The following TXLNB variants were observed in gnomAD, a reference collection of about 807,000 sequenced individuals.
TXLNB encodes taxilin beta.
A neutral mutation model predicts 57.4 loss-of-function variants in TXLNB; 37 were observed. That is an observed-to-expected ratio of 0.64 (90% CI 0.50 to 0.85). The LOEUF (loss-of-function observed/expected upper bound fraction) is 0.85. Ranked by LOEUF, TXLNB falls within the 40% of genes least tolerant of loss-of-function variation. TXLNB has a pLI of 0.00. For synonymous variants in TXLNB, 302 were observed against 309.6 expected, an observed-to-expected ratio of 0.98 and a Z score of 0.26; for missense variants, 848 against 825.6, an observed-to-expected ratio of 1.03 and a Z score of -0.33.
chr6:139,270,878 G>A (rs1015546007), intron 3 of TXLNB, among the ~76,000 whole-genome samples: 1 of 152,046 alleles, frequency 6.6e-6, no homozygotes, highest in African/African-American at 2.4e-5. Context: ...ATTTTTGGAT[G>A]GTCTAGAAAT....
At chr6:139,289,181 G>A (rs1374947090) in intron 1 of TXLNB, among the ~76,000 whole-genome samples, 2 of 152,140 alleles carry the variant, frequency 1.3e-5, no homozygotes, top group African/African-American at 2.4e-5. Context: ...CTGGTGCCGC[G>A]CCCTGAGCCT....
the TXLNB span, chr6:139,179,395 C>T: frequency 1.3e-5 from 2 of 152,124 alleles, no homozygotes; most frequent in African/African-American, 2.4e-5. Flanking sequence ...TTAGAACTGC[C>T]GTCAGTGTAG....
chr6:139,298,240 AC>A, the TXLNB span, among the ~76,000 whole-genome samples: 1 of 152,348 alleles, frequency 6.6e-6, no homozygotes, highest in South Asian at 2.1e-4. Context: ...CTACACTTGT[AC>A]TTGCAAAGAG....
the TXLNB span, among the ~76,000 whole-genome samples, chr6:139,206,141 C>T: frequency 6.6e-6 from 1 of 152,162 alleles, no homozygotes; most frequent in Admixed American, 6.5e-5. Flanking sequence ...GAATTTGCCA[C>T]TACCAAACCG....
chr6:139,230,472 G>A, the TXLNB span, among the ~76,000 whole-genome samples: 7 of 152,300 alleles, frequency 4.6e-5, no homozygotes, highest in East Asian at 5.8e-4. Context: ...CTGGGACTCC[G>A]CCTCCAAGGA....
At chr6:139,203,836 G>T in the TXLNB span, among the ~76,000 whole-genome samples, 1 of 146,312 alleles carries the variant, frequency 6.8e-6, no homozygotes, top group Non-Finnish European at 1.5e-5. Context: ...CAGAATGTGA[G>T]GTACCTTAGC....
At chr6:139,245,906 C>T (rs767209849) in intron 8 of TXLNB, among the ~76,000 whole-genome samples, 3 of 152,052 alleles carry the variant, frequency 2.0e-5, no homozygotes, top group Non-Finnish European at 4.4e-5. Flanking sequence ...GTTGGCCAGG[C>T]GGTCTTGAGC....
In TXLNB at chr6:139,267,297, T is replaced by C. The variant is rs147670327; in HGVS notation, c.687+3159A>G. 6.6e-3 allele frequency among the ~76,000 whole-genome samples: 1,002 copies of C among 152,266 alleles called. 8 individuals are homozygous for C. Among genetic ancestry groups the C allele is most frequent in the Non-Finnish European group, 8.5e-3 (578 of 68,016 alleles). ...AAGTAAAAATTATAACAATGTCTCATCGGCTTTACAAAAGTATATAAATAT... is the reference window on the plus strand; with the variant it reads ...AAGTAAAAATTATAACAATGTCTCACCGGCTTTACAAAAGTATATAAATAT... On this transcript the variant is annotated intron_variant, in intron 4 of 9. Transcript: ENST00000358430.
chr6:139,163,195 G>T, the TXLNB span, among the ~76,000 whole-genome samples: 1 of 152,182 alleles, frequency 6.6e-6, no homozygotes, highest in African/African-American at 2.4e-5. Context: ...ATTGAGTGGG[G>T]CTGGCCTCTA....
At chr6:139,207,613 A>G in the TXLNB span, among the ~76,000 whole-genome samples, 15 of 152,224 alleles carry the variant, frequency 9.9e-5, no homozygotes, top group African/African-American at 3.6e-4. Flanking sequence ...GCCCAGCAGA[A>G]GAAAAGAAAT....
At chr6:139,256,724 G>T (rs1183274612) in intron 6 of TXLNB, among the ~76,000 whole-genome samples, 1 of 152,204 alleles carries the variant, frequency 6.6e-6, no homozygotes, top group East Asian at 1.9e-4. Flanking sequence ...GTATGTCCTT[G>T]GTCTTTGTCC....
chr6:139,244,863 G>A (rs1311297295), intron 8 of TXLNB, among the ~76,000 whole-genome samples, 173 bp from the exon 9 acceptor site: 3 of 152,180 alleles, frequency 2.0e-5, no homozygotes, highest in Non-Finnish European at 4.4e-5. Context: ...TTTCTGAGCC[G>A]TCTAGGGCAG....
chr6:139,223,901 A>G, the TXLNB span, among the ~76,000 whole-genome samples: 101,593 of 149,188 alleles, frequency 0.68, 35,720 homozygotes, highest in East Asian at 0.81. Flanking sequence ...TTCCTCAGGG[A>G]TCTAGAACTA....
the TXLNB span, among the ~76,000 whole-genome samples, chr6:139,217,291 T>C: frequency 6.6e-6 from 1 of 152,130 alleles, no homozygotes; most frequent in Non-Finnish European, 1.5e-5. Context: ...ATAAGTCATA[T>C]AAGAAAAATC....
At chr6:139,191,671 C>T in the TXLNB span, among the ~76,000 whole-genome samples, 108,062 of 152,086 alleles carry the variant, frequency 0.71, 39,691 homozygotes, top group African/African-American at 0.86. Context: ...CATATTTCAA[C>T]AAATGATTTA....
At chr6:139,189,200 C>T in the TXLNB span, among the ~76,000 whole-genome samples, 2 of 152,148 alleles carry the variant, frequency 1.3e-5, no homozygotes, top group Non-Finnish European at 2.9e-5. Flanking sequence ...AAAAGCATTG[C>T]AAAGGAGGTG....
the TXLNB span, among the ~76,000 whole-genome samples, chr6:139,323,940 G>T: frequency 6.6e-6 from 1 of 152,140 alleles, no homozygotes. Flanking sequence ...CTGTGGTCAG[G>T]GTTTGGAAAG....
chr6:139,296,487 A>G (rs1046238354), upstream of TXLNB, among the ~76,000 whole-genome samples: 4 of 152,134 alleles, frequency 2.6e-5, no homozygotes, highest in African/African-American at 9.7e-5. Context: ...CTGAAGTTTC[A>G]CAATGATTAA....
At chr6:139,308,903 C>A in the TXLNB span, among the ~76,000 whole-genome samples, 1 of 152,172 alleles carries the variant, frequency 6.6e-6, no homozygotes, top group African/African-American at 2.4e-5. Flanking sequence ...TTGTGTTGAC[C>A]GCTTAGCATC....
Sources: allele counts gnomAD v4.1 joint callset (sites outside exome capture counted in the v4.1 genomes callset), GRCh38; gene constraint gnomAD v4.1.1; transcripts MANE v1.5; gene names NCBI Gene and HGNC (gene_info 2026-07-23, HGNC 2026-07-21).